Variants in HECTD4 observed in about 807,000 individuals in gnomAD.
HECTD4 encodes the protein probable E3 ubiquitin-protein ligase HECTD4.
A neutral mutation model predicts 471.5 loss-of-function variants in HECTD4; 114 were observed. The ratio of observed to expected loss-of-function variants is 0.24; its 90% CI spans 0.21 to 0.28. The LOEUF (loss-of-function observed/expected upper bound fraction) is 0.28, where lower values mean the gene tolerates loss of function less well. Ranked by LOEUF, HECTD4 falls within the 10% of genes least tolerant of loss-of-function variation. HECTD4 has a pLI of 1.00. For synonymous variants in HECTD4, 2,012 were observed against 2,256.0 expected (o/e 0.89, Z 3.07); for missense variants, 3,866 against 5,651.5 (o/e 0.68, Z 10.13).
Position 112,163,285 on chromosome 12 carries a change from T to G in HECTD4, c.12898-21A>C. On this transcript the variant is annotated intron_variant, in intron 74 of 75. Transcript: ENST00000682272. The surrounding 1 kb of genome is among the most constrained non-coding windows in gnomAD (Gnocchi z 8.2). ...TGGGCCTGGGGAGGAGAGGTCCAGGTGTCAGGAGCCCTGGAGCCCCACCTA... is the reference window on the plus strand; with the variant it reads ...TGGGCCTGGGGAGGAGAGGTCCAGGGGTCAGGAGCCCTGGAGCCCCACCTA... The G allele has an allele frequency of 4.4e-6, 7 of 1,591,890 alleles. No individual in the cohort carries two copies. The highest frequency in any genetic ancestry group is 6.0e-6 in the Non-Finnish European group (7 of 1,164,532).
intron 37 of HECTD4, among the ~76,000 whole-genome samples, chr12:112,233,715 C>A (rs1342699341): frequency 6.6e-6 from 1 of 152,100 alleles, no homozygotes; most frequent in Non-Finnish European, 1.5e-5. Flanking sequence ...AAAAGCAGGG[C>A]CTGAGGACAT....
chr12:112,325,381 G>A (rs919318236), intron 1 of HECTD4, among the ~76,000 whole-genome samples: 6 of 152,248 alleles, frequency 3.9e-5, no homozygotes, highest in Admixed American at 6.5e-5. Flanking sequence ...GCTACTCAGC[G>A]TTATCCATTT....
intron 24 of HECTD4, among the ~76,000 whole-genome samples, chr12:112,250,678 G>A (rs1390098164): frequency 3.9e-5 from 6 of 152,194 alleles, no homozygotes; most frequent in Non-Finnish European, 8.8e-5. Context: ...CATTTGCTGT[G>A]TTTGCTTTAT....
chr12:112,323,425 T>C (rs2035624916), intron 1 of HECTD4, among the ~76,000 whole-genome samples: 2 of 152,188 alleles, frequency 1.3e-5, no homozygotes, highest in South Asian at 4.1e-4. Context: ...CAGTGCCAGC[T>C]TATCAGATCT....
intron 44 of HECTD4, among the ~76,000 whole-genome samples, chr12:112,224,493 C>T (rs2135558931): frequency 6.6e-6 from 1 of 152,170 alleles, no homozygotes; most frequent in East Asian, 1.9e-4. Flanking sequence ...GTCTCCATCT[C>T]CTGACCTCAT....
At chr12:112,258,374 G>T in intron 20 of HECTD4, 122 bp downstream of exon 20, 1 of 624,952 alleles carries the variant, frequency 1.6e-6, no homozygotes, top group South Asian at 3.2e-5. Context: ...TTTTCATTCT[G>T]AAGTCTTTTT....
At chr12:112,231,826 A>T in intron 38 of HECTD4, 111 bp from the exon 39 acceptor site, 2 of 866,100 alleles carry the variant, frequency 2.3e-6, no homozygotes, top group Non-Finnish European at 3.5e-6. Flanking sequence ...ATTTTTTTTT[A>T]ATTCAAACAT....
chr12:112,241,800 C>G (rs181377853), intron 32 of HECTD4, among the ~76,000 whole-genome samples: 7 of 152,254 alleles, frequency 4.6e-5, no homozygotes, highest in Admixed American at 3.9e-4. Flanking sequence ...GGACTTGTTT[C>G]CAAATAATAG....
rs1438991336 is a variant in HECTD4, at chr12:112,162,377, C to T, written c.*10G>A. The T allele has an allele frequency of 2.5e-6, 4 of 1,613,876 alleles. No individual in the cohort carries two copies. In the South Asian group the frequency reaches 3.3e-5, roughly 13 times the overall value. Reference sequence around the variant, plus strand: ...CCTCAGTGACAGCCTAATTCTGGGGCTCCCTCCCATCAGCCACTGAGGGGG... The same window carrying T: ...CCTCAGTGACAGCCTAATTCTGGGGTTCCCTCCCATCAGCCACTGAGGGGG... On this transcript the variant is annotated 3_prime_UTR_variant, in exon 76 of 76. Transcript: ENST00000682272. This position sits in a 1 kb window ranked among gnomAD's most constrained non-coding sequence, Gnocchi z 5.2.
chr12:112,271,550 C>T (rs1323699995), intron 11 of HECTD4, among the ~76,000 whole-genome samples: 1 of 152,170 alleles, frequency 6.6e-6, no homozygotes, highest in East Asian at 1.9e-4. Flanking sequence ...TCAGTCTAAC[C>T]ATGAGAAAGC....
At chr12:112,207,508 A>C (rs1003566451) in intron 52 of HECTD4, among the ~76,000 whole-genome samples, 1 of 152,190 alleles carries the variant, frequency 6.6e-6, no homozygotes, top group Non-Finnish European at 1.5e-5. Flanking sequence ...CTTGCAGAGC[A>C]CATATTCCAT....
rs536621897 is a variant in HECTD4 at position 112,288,234 on chromosome 12, G to A, written c.1336-4932C>T. On this transcript the variant is annotated intron_variant, in intron 7 of 75. Coordinates refer to ENST00000682272, the MANE Select transcript of HECTD4 (RefSeq NM_001388303.1). The stretch of plus-strand genomic sequence containing the variant: ...TTCCAGTTACTGAGGCAGGAGAACC[G>A]CTTGAACCCAGGAGGCAGAGGTTGC... 2.6e-4 allele frequency among the ~76,000 whole-genome samples: 40 copies of A among 151,018 alleles called. No homozygotes were observed. The South Asian group carries it at 5.6e-3, about 21-fold the overall frequency.
chr12:112,196,543 G>A (rs187565893), intron 55 of HECTD4, among the ~76,000 whole-genome samples: 183 of 152,256 alleles, frequency 1.2e-3, no homozygotes, highest in Non-Finnish European at 1.8e-3. Context: ...TCTCCCCTTG[G>A]CTTTCACCTC....
intron 21 of HECTD4, among the ~76,000 whole-genome samples, chr12:112,254,930 G>A (rs1038807967): frequency 2.6e-5 from 4 of 152,176 alleles, no homozygotes; most frequent in African/African-American, 7.2e-5. Context: ...TCTAATGTGC[G>A]CTCTGACTGC....
intron 59 of HECTD4, among the ~76,000 whole-genome samples, 196 bp downstream of exon 59, chr12:112,192,364 T>G (rs1205100227): frequency 2.6e-5 from 4 of 152,214 alleles, no homozygotes; most frequent in African/African-American, 9.6e-5. Flanking sequence ...AGGCCTTCCC[T>G]AGGTAGGAAA....
At chr12:112,169,764 C>T (rs745718151) in intron 69 of HECTD4, 106 bp from the exon 70 acceptor site, 1 of 1,321,188 alleles carries the variant, frequency 7.6e-7, no homozygotes, top group Non-Finnish European at 1.1e-6. Context: ...TCCCTGGACC[C>T]CTGCTCCCTC....
At chr12:112,351,045 A>G (rs1449336062) in intron 1 of HECTD4, among the ~76,000 whole-genome samples, 1 of 152,184 alleles carries the variant, frequency 6.6e-6, no homozygotes, top group Non-Finnish European at 1.5e-5. Context: ...CAGCTTGGTC[A>G]CTGGCCACCT....
At chr12:112,192,856 T>C in intron 58 of HECTD4, 91 bp from the exon 59 acceptor site, 3 of 1,266,814 alleles carry the variant, frequency 2.4e-6, no homozygotes, top group Non-Finnish European at 3.3e-6. Flanking sequence ...GGACGTTAGA[T>C]GAGAACTGGG....
chr12:112,285,012 A>AT (rs556919743), intron 7 of HECTD4, among the ~76,000 whole-genome samples: 2 of 151,942 alleles, frequency 1.3e-5, no homozygotes, highest in South Asian at 4.2e-4. Flanking sequence ...TTGTATTAAT[A>AT]TTTTTTGTAG....
Sources: gnomAD v4.1 joint callset for allele counts (sites outside exome capture counted in the v4.1 genomes callset) on GRCh38, gnomAD v4.1.1 for gene constraint, Gnocchi (gnomAD v3.1) non-coding constraint, MANE v1.5 for transcripts, NCBI Gene and HGNC (gene_info 2026-07-23, HGNC 2026-07-21) for gene names.